The following ACADL variants were observed in gnomAD, a reference collection of about 807,000 sequenced individuals.
ACADL encodes the protein acyl-CoA dehydrogenase long chain.
In ACADL, 60 loss-of-function variants were observed where a neutral mutation model predicts 56.9. That is an observed-to-expected ratio of 1.05 (90% CI 0.86 to 1.31). The LOEUF (loss-of-function observed/expected upper bound fraction) is 1.31, where lower values mean the gene tolerates loss of function less well. ACADL is among the 50% of genes most tolerant of loss of function. ACADL has a pLI of 0.00. For synonymous variants in ACADL, 158 were observed against 179.7 expected (o/e 0.88, Z 0.97); for missense variants, 484 against 525.5 (o/e 0.92, Z 0.77).
chr2:210,223,017 G>A (rs1689203101), intron 1 of ACADL, among the ~76,000 whole-genome samples: 1 of 152,162 alleles, frequency 6.6e-6, no homozygotes, highest in African/African-American at 2.4e-5. Context: ...TCAACATAAT[G>A]AGTAAACAAT....
rs772561119 is a variant in ACADL at position 210,216,520 on chromosome 2, G to GA, written c.372-10dup. On this transcript the variant is annotated splice_polypyrimidine_tract_variant and intron_variant, in intron 3 of 10. Coordinates refer to ENST00000233710, the MANE Select transcript of ACADL (RefSeq NM_001608.4). Reference sequence around the variant, plus strand: ...AACAATTTGAATAAGCTCTTAGAATGAAAAAAGAAGAAAAATTAGAGCATA... The same window carrying GA: ...AACAATTTGAATAAGCTCTTAGAATGAAAAAAAGAAGAAAAATTAGAGCATA... 2.5e-6 allele frequency: 4 copies of GA among 1,585,242 alleles called. 1 individual carries two copies. In the South Asian group the frequency reaches 4.4e-5, roughly 18 times the overall value.
intron 5 of ACADL, 118 bp from the exon 6 acceptor site, chr2:210,205,914 C>T (rs1477685166): frequency 1.7e-6 from 2 of 1,163,796 alleles, no homozygotes; most frequent in Non-Finnish European, 2.5e-6. Flanking sequence ...CTTGATACCT[C>T]TCTCTGTACC....
At chr2:210,192,318 C>T (rs532805015) in intron 10 of ACADL, among the ~76,000 whole-genome samples, 6 of 151,828 alleles carry the variant, frequency 4.0e-5, no homozygotes, top group Non-Finnish European at 8.8e-5. Flanking sequence ...AAAACCACAC[C>T]TCTACTAAAA....
At chr2:210,206,056 TAAAC>T (rs973624187) in intron 5 of ACADL, among the ~76,000 whole-genome samples, 177 of 152,222 alleles carry the variant, frequency 1.2e-3, no homozygotes, top group African/African-American at 3.9e-3. Flanking sequence ...ATAATAATAA[TAAAC>T]AGAGATTATT....
At chr2:210,191,405 A>G (rs1470924873) in intron 10 of ACADL, among the ~76,000 whole-genome samples, 2 of 152,134 alleles carry the variant, frequency 1.3e-5, no homozygotes, top group African/African-American at 4.8e-5. Context: ...CTTGGTACCA[A>G]CTTGAAGGAG....
chr2:210,223,381 G>C (rs550447005), intron 1 of ACADL, among the ~76,000 whole-genome samples: 15 of 152,048 alleles, frequency 9.9e-5, no homozygotes, highest in Non-Finnish European at 1.9e-4. Context: ...CATTTTAAAA[G>C]GGAGACAATC....
chr2:210,223,512 A>T (rs937635449), intron 1 of ACADL, among the ~76,000 whole-genome samples: 1 of 152,180 alleles, frequency 6.6e-6, no homozygotes, highest in Admixed American at 6.5e-5. Flanking sequence ...TCCTTTGCAC[A>T]TTAAAGGTAA....
rs1688890237 is a variant in ACADL, at chr2:210,206,493, C to T, written c.604-697G>A. Among the ~76,000 whole-genome samples the T allele has an allele frequency of 2.6e-5, 4 of 151,682 alleles. 1 individual carries two copies. The South Asian group carries it at 8.4e-4, about 32-fold the overall frequency. ...GAAAGAAAATCTGCTGTAAATGGCACTATATTATTTATTCTCAGATTTATC... is the reference window on the plus strand; with the variant it reads ...GAAAGAAAATCTGCTGTAAATGGCATTATATTATTTATTCTCAGATTTATC... On this transcript the variant is annotated intron_variant, in intron 5 of 10. Transcript: ENST00000233710.
rs546920754 is a variant in ACADL, at chr2:210,198,186, G to T, written c.985-2848C>A. Among the ~76,000 whole-genome samples, 5 of 152,286 alleles carry T rather than the reference G, an allele frequency of 3.3e-5. No homozygotes were observed. In the South Asian group the frequency reaches 1.0e-3, roughly 32 times the overall value. On this transcript the variant is annotated intron_variant, in intron 8 of 10. Coordinates refer to ENST00000233710, the MANE Select transcript of ACADL (RefSeq NM_001608.4). ...CTGAAGTTACTAAGTGGGCTGGATG[G>T]AGTCTTTTTCAGAGTTCTGAATGAC...
At chr2:210,225,140 C>T (rs2125721323) in intron 1 of ACADL, 47 bp downstream of exon 1, 2 of 1,527,898 alleles carry the variant, frequency 1.3e-6, no homozygotes, top group African/African-American at 1.4e-5. Context: ...CTGCCCCACC[C>T]CACAGCCTCC....
chr2:210,206,445 A>T (rs1257883689), intron 5 of ACADL, among the ~76,000 whole-genome samples: 3 of 152,254 alleles, frequency 2.0e-5, no homozygotes, highest in Middle Eastern at 3.4e-3. Flanking sequence ...AAAAAAGAAA[A>T]GAAAATAAAA....
intron 3 of ACADL, chr2:210,217,696 G>C: frequency 2.5e-6 from 1 of 394,170 alleles, no homozygotes; most frequent in Non-Finnish European, 4.6e-6. Context: ...AGGGGGAAAA[G>C]TAACCATAAG....
chr2:210,216,266 C>G, intron 4 of ACADL, 81 bp downstream of exon 4: 1 of 1,474,750 alleles, frequency 6.8e-7, no homozygotes, highest in Admixed American at 1.7e-5. Flanking sequence ...GCATATAGCT[C>G]AGTCTATGTA....
intron 4 of ACADL, among the ~76,000 whole-genome samples, chr2:210,210,631 C>T (rs573667689): frequency 6.6e-6 from 1 of 152,168 alleles, no homozygotes; most frequent in South Asian, 2.1e-4. Flanking sequence ...TGGTTCCTTC[C>T]CCTGTCTCTA....
chr2:210,218,252 C>A, intron 2 of ACADL, 150 bp from the exon 3 acceptor site: 6 of 603,548 alleles, frequency 9.9e-6, no homozygotes, highest in Non-Finnish European at 1.7e-5. Context: ...TTGCCTCTGA[C>A]TCTTTTATCA....
chr2:210,211,623 A>G (rs768044182), intron 4 of ACADL, among the ~76,000 whole-genome samples: 2 of 152,008 alleles, frequency 1.3e-5, no homozygotes, highest in African/African-American at 4.8e-5. Flanking sequence ...TTCTCTGGCC[A>G]TGTAGGACAT....
intron 4 of ACADL, among the ~76,000 whole-genome samples, chr2:210,215,290 A>G (rs775752330): frequency 3.3e-5 from 5 of 152,124 alleles, no homozygotes; most frequent in Non-Finnish European, 5.9e-5. Flanking sequence ...CCTCACTCCC[A>G]TAAAAGGTAA....
In ACADL at chr2:210,195,404, A is replaced by G. The variant is rs1688693683; in HGVS notation, c.985-66T>C. The G allele has an allele frequency of 3.4e-6, 5 of 1,491,728 alleles. No individual in the cohort carries two copies. In the East Asian group the frequency reaches 9.0e-5, roughly 27 times the overall value. 92.4% of individuals were successfully genotyped at this position (1,491,728 alleles called of 1,614,324 possible). A position where few individuals can be genotyped will look rare whatever the true frequency, so the allele number is the denominator to read the frequency against. On this transcript the variant is annotated intron_variant, in intron 8 of 10. Coordinates refer to ENST00000233710, the MANE Select transcript of ACADL (RefSeq NM_001608.4). The stretch of plus-strand genomic sequence containing the variant: ...AGAAATATAAACTTCAACCCACTTA[A>G]CATATCAGAAATTATACAATAAAAG...
chr2:210,209,995 C>T (rs1171279803), intron 5 of ACADL: 3 of 517,258 alleles, frequency 5.8e-6, no homozygotes, highest in African/African-American at 5.8e-5. Flanking sequence ...AGTGAGGGGG[C>T]ATGCAAAATG....
Sources: allele counts gnomAD v4.1 joint callset (sites outside exome capture counted in the v4.1 genomes callset), GRCh38; gene constraint gnomAD v4.1.1; transcripts MANE v1.5; gene names NCBI Gene and HGNC (gene_info 2026-07-23, HGNC 2026-07-21).